The following MTPN variants were observed in gnomAD, a reference collection of about 807,000 sequenced individuals.
MTPN encodes the protein granule cell differentiation protein.
In MTPN, 2 loss-of-function variants were observed where a neutral mutation model predicts 13.5. The observed-to-expected ratio is 0.15, with a 90% confidence interval of 0.06 to 0.47. The LOEUF is 0.47. MTPN is among the 20% of genes least tolerant of loss of function. The probability of loss-of-function intolerance (pLI) is 0.97; values close to 1 mark genes in which losing one functional copy is unlikely to be tolerated. For synonymous variants in MTPN, 46 were observed against 51.7 expected, an observed-to-expected ratio of 0.89 and a Z score of 0.48; for missense variants, 79 against 137.9, an observed-to-expected ratio of 0.57 and a Z score of 2.14.
intron 1 of MTPN, among the ~76,000 whole-genome samples, chr7:135,973,659 C>A (rs1799729845): frequency 6.6e-6 from 1 of 152,158 alleles, no homozygotes; most frequent in African/African-American, 2.4e-5. Context: ...CTATGAATAT[C>A]TCTTATAGCT....
intron 1 of MTPN, among the ~76,000 whole-genome samples, chr7:135,964,443 G>A (rs1799574811): frequency 6.6e-6 from 1 of 152,054 alleles, no homozygotes; most frequent in Non-Finnish European, 1.5e-5. Context: ...TCTGGAGTTG[G>A]AAATCAAGCC....
At chr7:135,932,320 A>G (rs1799036409) in intron 3 of MTPN, 1 of 152,126 alleles carries the variant, frequency 6.6e-6, no homozygotes, top group South Asian at 2.1e-4. Flanking sequence ...AGAGCCCTGC[A>G]GTTGCCACAG....
At chr7:135,933,688 C>T (rs1379991490) in intron 3 of MTPN, among the ~76,000 whole-genome samples, 1 of 152,162 alleles carries the variant, frequency 6.6e-6, no homozygotes, top group Non-Finnish European at 1.5e-5. Context: ...TCACAAATGA[C>T]TGAATCAGAA....
chr7:135,974,487 C>T (rs1196477863), intron 1 of MTPN, among the ~76,000 whole-genome samples: 2 of 151,818 alleles, frequency 1.3e-5, no homozygotes, highest in African/African-American at 2.4e-5. Context: ...CTAGCCTGGG[C>T]GACAAAGCAA....
chr7:135,937,933 T>C (rs547215807), intron 3 of MTPN, among the ~76,000 whole-genome samples: 1 of 152,348 alleles, frequency 6.6e-6, no homozygotes, highest in Admixed American at 6.5e-5. Context: ...CAATGAAGTA[T>C]ATAACTCATA....
At chr7:135,954,774 C>T (rs1308520100) in intron 1 of MTPN, among the ~76,000 whole-genome samples, 1 of 152,040 alleles carries the variant, frequency 6.6e-6, no homozygotes, top group Admixed American at 6.5e-5. Context: ...AACCCCGTCT[C>T]AACTAAAAAA....
At chr7:135,956,444 C>A (rs183412888) in intron 1 of MTPN, among the ~76,000 whole-genome samples, 211 of 152,296 alleles carry the variant, frequency 1.4e-3, no homozygotes, top group African/African-American at 5.0e-3. Context: ...GGAAATGTTA[C>A]CATGTTTTCC....
intron 3 of MTPN, chr7:135,932,192 G>A (rs762552432): frequency 2.0e-5 from 3 of 151,940 alleles, no homozygotes; most frequent in African/African-American, 4.8e-5. Context: ...ATTTGAAAGC[G>A]GAATACTCTC....
chr7:135,976,229 T>C (rs1009505935), intron 1 of MTPN, among the ~76,000 whole-genome samples: 2 of 152,224 alleles, frequency 1.3e-5, no homozygotes, highest in Non-Finnish European at 2.9e-5. Context: ...GGGCTGAGGT[T>C]TGAGTTTGTC....
At chr7:135,959,589 G>C (rs528326457) in intron 1 of MTPN, among the ~76,000 whole-genome samples, 1 of 152,214 alleles carries the variant, frequency 6.6e-6, no homozygotes, top group South Asian at 2.1e-4. Flanking sequence ...AATTTGGTGA[G>C]TGTGCCATCA....
At chr7:135,933,666 C>T (rs1486386488) in intron 3 of MTPN, among the ~76,000 whole-genome samples, 1 of 151,808 alleles carries the variant, frequency 6.6e-6, no homozygotes, top group Non-Finnish European at 1.5e-5. Context: ...ATATTGCAAC[C>T]CTATGCAATC....
At chr7:135,976,453 G>A (rs114380834) in intron 1 of MTPN, among the ~76,000 whole-genome samples, 1,645 of 152,210 alleles carry the variant, frequency 0.011, 37 homozygotes, top group African/African-American at 0.038. Flanking sequence ...TGTGGTGGGG[G>A]AAAGGAAAAA....
chr7:135,948,496 C>T (rs922842903), intron 3 of MTPN, among the ~76,000 whole-genome samples: 1 of 152,116 alleles, frequency 6.6e-6, no homozygotes, highest in African/African-American at 2.4e-5. Context: ...AGACAACTCA[C>T]AATCAATAAT....
At chr7:135,954,308 T>C (rs767111249) in intron 1 of MTPN, among the ~76,000 whole-genome samples, 5 of 152,316 alleles carry the variant, frequency 3.3e-5, no homozygotes, top group Non-Finnish European at 7.4e-5. Flanking sequence ...TTATTCAAAA[T>C]AGGATTAAGG....
At position 135,928,194 on chromosome 7, in the gene MTPN, T is replaced by C. The variant is rs1435827644; in HGVS notation, c.*1732A>G. 1 of 167,446 alleles carries C rather than the reference T, an allele frequency of 6.0e-6. No individual in the cohort carries two copies. Among genetic ancestry groups the C allele is most frequent in the African/African-American group, 2.4e-5 (1 of 41,436 alleles). 10.4% of individuals were successfully genotyped at this position (167,446 alleles called of 1,614,324 possible). On this transcript the variant is annotated 3_prime_UTR_variant, in exon 4 of 4. Coordinates refer to ENST00000393085, the MANE Select transcript of MTPN (RefSeq NM_145808.4). The stretch of plus-strand genomic sequence containing the variant: ...AAATACAACAAAGTATTTAAACCAC[T>C]ACTTTGTGATTGTTTTCTTGGATGT...
At chr7:135,930,599 T>C (rs899757552) in intron 3 of MTPN, among the ~76,000 whole-genome samples, 2 of 151,934 alleles carry the variant, frequency 1.3e-5, no homozygotes, top group Non-Finnish European at 2.9e-5. Context: ...ACTTGGAGAG[T>C]GCTGCCTTGG....
chr7:135,977,250 G>C lies in MTPN; in HGVS notation c.-150C>G. On this transcript the variant is annotated 5_prime_UTR_variant, in exon 1 of 4. Coordinates refer to ENST00000393085, the MANE Select transcript of MTPN (RefSeq NM_145808.4). ...AGGGTTAGGCTGCCAGGCGGGCGAG[G>C]CAGTTGGCCGCGGCGACCGTTCGGG... 1 of 752,922 alleles carries C rather than the reference G, an allele frequency of 1.3e-6. No homozygotes were observed. The highest frequency in any genetic ancestry group is 2.4e-5 in the Admixed American group (1 of 42,136). 46.6% of individuals were successfully genotyped at this position (752,922 alleles called of 1,614,324 possible).
At chr7:135,953,578 A>G (rs1326668298) in intron 1 of MTPN, among the ~76,000 whole-genome samples, 11 of 152,222 alleles carry the variant, frequency 7.2e-5, no homozygotes, top group Non-Finnish European at 1.0e-4. Flanking sequence ...GCTATTATCT[A>G]TAAGTATTAT....
chr7:135,929,268 A>G lies in MTPN; in HGVS notation c.*658T>C, dbSNP rs1798976313. 1 of 167,072 alleles carries G rather than the reference A, an allele frequency of 6.0e-6. No homozygotes were observed. Among genetic ancestry groups the G allele is most frequent in the Non-Finnish European group, 1.5e-5 (1 of 68,130 alleles). The allele number at this position is 167,072 out of a possible 1,614,324, so 10.3% of individuals were successfully genotyped here. A position where few individuals can be genotyped will look rare whatever the true frequency, so the allele number is the denominator to read the frequency against. ...AAATAAAACTAGTCAGTTTTATCTA[A>G]AGAGACATGAAATCCATGTGAAAGG... is the stretch of plus-strand genomic sequence containing the variant. On this transcript the variant is annotated 3_prime_UTR_variant, in exon 4 of 4. Coordinates refer to ENST00000393085, the MANE Select transcript of MTPN (RefSeq NM_145808.4).
Sources: allele counts gnomAD v4.1 joint callset (sites outside exome capture counted in the v4.1 genomes callset), GRCh38; gene constraint gnomAD v4.1.1; transcripts MANE v1.5; gene names NCBI Gene and HGNC (gene_info 2026-07-23, HGNC 2026-07-21).